The following ADAM32 variants were observed in gnomAD, a reference collection of about 807,000 sequenced individuals.
ADAM32 encodes the protein ADAM metallopeptidase domain 32.
In ADAM32, 89 loss-of-function variants were observed where a neutral mutation model predicts 114.9. The observed-to-expected ratio is 0.77, with a 90% CI of 0.65 to 0.92. The LOEUF is 0.92. ADAM32 is among the 40% of genes least tolerant of loss of function. The pLI, the probability that ADAM32 is intolerant of heterozygous loss-of-function variation, is 0.00. For missense variants in ADAM32, 870 were observed against 932.8 expected (o/e 0.93, Z 0.88); for synonymous variants, 285 against 307.5 (o/e 0.93, Z 0.77).
chr8:39,276,084 T>TA, intron 22 of ADAM32: 1 of 409,254 alleles, frequency 2.4e-6, no homozygotes, highest in Non-Finnish European at 4.4e-6. Context: ...TTAATATGTG[T>TA]TGGGAGTTTA....
chr8:39,210,911 C>CTGTG (rs144579864), intron 11 of ADAM32, among the ~76,000 whole-genome samples: 3 of 150,418 alleles, frequency 2.0e-5, no homozygotes, highest in Non-Finnish European at 4.4e-5. Context: ...AATTGGATTA[C>CTGTG]TGTGTGTGTG....
intron 10 of ADAM32, among the ~76,000 whole-genome samples, chr8:39,172,546 G>T (rs1805264799): frequency 1.3e-5 from 2 of 152,044 alleles, no homozygotes; most frequent in African/African-American, 4.8e-5. Context: ...TGTTCTTATT[G>T]TTCAGCTCCC....
Position 39,281,171 on chromosome 8 carries a change from GC to G in ADAM32, c.2316del (p.Ser772ArgfsTer?). Reference protein sequence around the residue: ...KSEDSAEAYTSRSKSQDSTQT... With the variant: ...KSEDSAEAYTXRSKSQDSTQT... ...GAAGATAGTGCTGAAGCATATACTA[GC>G]AGGTAAGCAGGATAGAAAGTGTTAC... On this transcript the variant is annotated frameshift_variant and splice_region_variant, in exon 23 of 25. Transcript: ENST00000379907. LOFTEE classifies it low-confidence loss of function (END_TRUNC). 7.3e-7 allele frequency: 1 copy of G among 1,371,974 alleles called. No homozygotes were observed. The highest frequency in any genetic ancestry group is 9.6e-7 in the Non-Finnish European group (1 of 1,041,626). The allele number at this position is 1,371,974 out of a possible 1,614,324, so 85.0% of individuals were successfully genotyped here.
In ADAM32 at chr8:39,284,839, G is replaced by A. The variant is rs748888909; in HGVS notation, c.*40G>A. The A allele has an allele frequency of 8.1e-6, 13 of 1,609,212 alleles. No homozygotes were observed. The African/African-American group carries it at 1.1e-4, about 13-fold the overall frequency. On this transcript the variant is annotated 3_prime_UTR_variant, in exon 25 of 25. Coordinates refer to ENST00000379907, the MANE Select transcript of ADAM32 (RefSeq NM_145004.7). Reference sequence around the variant, plus strand: ...GGCAACGGATAACATCGAGAGTCTCGCTAAGAAATGAAAATTCTGTCTTTC... The same window carrying A: ...GGCAACGGATAACATCGAGAGTCTCACTAAGAAATGAAAATTCTGTCTTTC...
At chr8:39,131,957 G>T (rs1438213330) in intron 2 of ADAM32, 1 of 290,196 alleles carries the variant, frequency 3.4e-6, no homozygotes, top group African/African-American at 2.3e-5. Flanking sequence ...GTAGTGGCAC[G>T]ATCTCGGCTC....
rs929413481 is a variant in ADAM32 at position 39,248,324 on chromosome 8, T to C, written c.1902+2158T>C. On this transcript the variant is annotated intron_variant, in intron 17 of 24. Coordinates refer to ENST00000379907, the MANE Select transcript of ADAM32 (RefSeq NM_145004.7). ...TATTGAGTCTTTCTATCCATTCACATGTAATGTGTTTTCATTTATTTAGTC... is the reference window on the plus strand; with the variant it reads ...TATTGAGTCTTTCTATCCATTCACACGTAATGTGTTTTCATTTATTTAGTC... 3.3e-5 allele frequency among the ~76,000 whole-genome samples: 5 copies of C among 152,202 alleles called. 1 individual carries two copies. Among genetic ancestry groups the C allele is most frequent in the Admixed American group, 1.3e-4 (2 of 15,276 alleles).
rs73608669 is a variant in ADAM32, at chr8:39,281,655, A to G, written c.2318+481A>G. Among the ~76,000 whole-genome samples, 1,071 of 152,282 alleles carry G rather than the reference A, an allele frequency of 7.0e-3. 12 individuals are homozygous for G. The highest frequency in any genetic ancestry group is 0.025 in the African/African-American group (1,021 of 41,554). On this transcript the variant is annotated intron_variant, in intron 23 of 24. Transcript: ENST00000379907. The stretch of plus-strand genomic sequence containing the variant: ...ATTCTACATTTCCCACAGATCCTCA[A>G]TGTCCCACACCTATGTTAACAAGGG...
chr8:39,110,943 G>A (rs1187137526), intron 1 of ADAM32, among the ~76,000 whole-genome samples: 1 of 152,186 alleles, frequency 6.6e-6, no homozygotes, highest in Non-Finnish European at 1.5e-5. Flanking sequence ...GGCAGCCACT[G>A]TCCCTTTGGA....
At chr8:39,196,627 G>C (rs1163302374) in intron 11 of ADAM32, among the ~76,000 whole-genome samples, 1 of 152,140 alleles carries the variant, frequency 6.6e-6, no homozygotes, top group South Asian at 2.1e-4. Context: ...TTGATGTGAT[G>C]TATCATATTT....
intron 1 of ADAM32, among the ~76,000 whole-genome samples, chr8:39,117,826 T>G (rs1459856889): frequency 6.6e-6 from 1 of 151,996 alleles, no homozygotes; most frequent in Admixed American, 6.6e-5. Flanking sequence ...AAGTATGTCT[T>G]TGATTTTTTT....
intron 11 of ADAM32, among the ~76,000 whole-genome samples, chr8:39,205,207 T>A (rs1021847705): frequency 2.0e-5 from 3 of 152,250 alleles, no homozygotes; most frequent in African/African-American, 7.2e-5. Context: ...TTTGTTTGAC[T>A]ATGTGCTGCT....
chr8:39,109,683 TCTGG>T (rs1238399316), intron 1 of ADAM32, among the ~76,000 whole-genome samples: 1 of 152,208 alleles, frequency 6.6e-6, no homozygotes, highest in Non-Finnish European at 1.5e-5. Flanking sequence ...ACTATCAACA[TCTGG>T]CACCATGGGA....
At chr8:39,139,430 G>T (rs1803005802) in intron 3 of ADAM32, among the ~76,000 whole-genome samples, 1 of 152,078 alleles carries the variant, frequency 6.6e-6, no homozygotes, top group Non-Finnish European at 1.5e-5. Context: ...ATTAAATAGG[G>T]AATCCTTTCC....
At chr8:39,155,312 G>A (rs1340606162) in intron 6 of ADAM32, among the ~76,000 whole-genome samples, 1 of 152,164 alleles carries the variant, frequency 6.6e-6, no homozygotes, top group Non-Finnish European at 1.5e-5. Context: ...CTTAGTTACT[G>A]CATGTCATTG....
At chr8:39,224,690 T>G (rs1007506820) in intron 14 of ADAM32, among the ~76,000 whole-genome samples, 1 of 152,152 alleles carries the variant, frequency 6.6e-6, no homozygotes, top group Non-Finnish European at 1.5e-5. Context: ...TTTATCTTAT[T>G]TTATAAAAGT....
At chr8:39,267,145 G>A (rs1160014721) in intron 19 of ADAM32, among the ~76,000 whole-genome samples, 2 of 152,220 alleles carry the variant, frequency 1.3e-5, no homozygotes, top group African/African-American at 4.8e-5. Flanking sequence ...GGGTAGGTGG[G>A]GGTTCCCCCA....
At chr8:39,161,179 C>T (rs946659401) in intron 7 of ADAM32, among the ~76,000 whole-genome samples, 3 of 152,188 alleles carry the variant, frequency 2.0e-5, no homozygotes, top group African/African-American at 7.2e-5. Context: ...AACAGTACTG[C>T]AGAACAAAAT....
chr8:39,157,111 C>T (rs1484391197), intron 6 of ADAM32, among the ~76,000 whole-genome samples: 1 of 152,166 alleles, frequency 6.6e-6, no homozygotes, highest in Non-Finnish European at 1.5e-5. Context: ...TAAATGTCAT[C>T]CCACTGCCTC....
At chr8:39,194,538 G>A (rs1806830331) in intron 11 of ADAM32, among the ~76,000 whole-genome samples, 1 of 152,176 alleles carries the variant, frequency 6.6e-6, no homozygotes, top group Admixed American at 6.5e-5. Context: ...AGGCTGCAGT[G>A]AAGAGAGGGC....
Sources: allele counts gnomAD v4.1 joint callset (sites outside exome capture counted in the v4.1 genomes callset), GRCh38; gene constraint gnomAD v4.1.1; transcripts MANE v1.5; gene names NCBI Gene and HGNC (gene_info 2026-07-23, HGNC 2026-07-21).